The following DNAH14 variants were observed in gnomAD, a reference collection of about 807,000 sequenced individuals.
The protein encoded by DNAH14 is dynein axonemal heavy chain 14, also known as axonemal beta dynein heavy chain 14.
A neutral mutation model predicts 520.9 loss-of-function variants in DNAH14; 478 were observed. The ratio of observed to expected loss-of-function variants is 0.92; its 90% CI spans 0.85 to 0.99. The LOEUF (loss-of-function observed/expected upper bound fraction) is 0.99. DNAH14 is among the 50% of genes least tolerant of loss of function. The pLI is 0.00. For synonymous variants in DNAH14, 1,581 were observed against 1,757.2 expected (o/e 0.90, Z 2.51); for missense variants, 4,831 against 5,234.5 (o/e 0.92, Z 2.38).
intron 1 of DNAH14, among the ~76,000 whole-genome samples, chr1:224,950,233 A>G (rs1375322049): frequency 6.6e-6 from 1 of 152,072 alleles, no homozygotes; most frequent in Non-Finnish European, 1.5e-5. Flanking sequence ...AATGAGTTTA[A>G]TGCTGTTATT....
At chr1:225,361,857 A>ACAAT (rs34468361) in intron 75 of DNAH14, among the ~76,000 whole-genome samples, 61,018 of 151,448 alleles carry the variant, frequency 0.4, 12,813 homozygotes, top group East Asian at 0.6. Flanking sequence ...CATCTCTACA[A>ACAAT]CAATCAATCA....
At chr1:225,398,425 G>T in intron 84 of DNAH14, 95 bp from the exon 85 acceptor site, 1 of 1,410,786 alleles carries the variant, frequency 7.1e-7, no homozygotes, top group Non-Finnish European at 9.5e-7. Context: ...GGCAGGATGA[G>T]CCCCTCTGGA....
In DNAH14 at chr1:225,324,776, A is replaced by C. The variant is rs1022803798; in HGVS notation, c.9667A>C (p.Asn3223His). 6 of 1,551,430 alleles carry C rather than the reference A, an allele frequency of 3.9e-6. No homozygotes were observed. The African/African-American group carries it at 8.2e-5, about 21-fold the overall frequency. Residue 3223 changes from asparagine to histidine, a missense_variant, in exon 64 of 86, where the codon AAC becomes CAC. Physicochemically the swap from Asn to His is moderately conservative, Grantham distance 68. Transcript: ENST00000682510. ...PKQIQVAEAQ[N>H]VLKIARQRLA... ...ACAAATCCAAGTAGCTGAAGCTCAA[A>C]ACGTCCTTAAAATTGCGCGACAAAG...
At chr1:225,134,036 G>T (rs1369295524) in intron 27 of DNAH14, among the ~76,000 whole-genome samples, 1 of 151,464 alleles carries the variant, frequency 6.6e-6, no homozygotes, top group African/African-American at 2.4e-5. Flanking sequence ...TTGCTTGGTG[G>T]TATATATAGG....
chr1:225,239,149 C>T (rs763909314), intron 42 of DNAH14, among the ~76,000 whole-genome samples: 2 of 152,158 alleles, frequency 1.3e-5, no homozygotes, highest in Non-Finnish European at 2.9e-5. Flanking sequence ...CTGTTTGGCT[C>T]CCTGGATCCA....
At chr1:225,025,732 G>A (rs2066062093) in intron 11 of DNAH14, among the ~76,000 whole-genome samples, 2 of 151,974 alleles carry the variant, frequency 1.3e-5, no homozygotes, top group Admixed American at 6.6e-5. Context: ...AAATTCTTTA[G>A]ACTTCAATTT....
intron 8 of DNAH14, among the ~76,000 whole-genome samples, chr1:224,977,771 C>T (rs1388739311): frequency 6.6e-6 from 1 of 152,130 alleles, no homozygotes; most frequent in Non-Finnish European, 1.5e-5. Context: ...GCCAACTGTT[C>T]ATTCTATAAG....
intron 26 of DNAH14, among the ~76,000 whole-genome samples, chr1:225,122,160 G>A (rs563049963): frequency 7.9e-5 from 12 of 152,048 alleles, no homozygotes; most frequent in Non-Finnish European, 1.6e-4. Flanking sequence ...TTTAAAGTTA[G>A]TACCGCTTTA....
At chr1:224,957,085 T>C (rs1031888757) in intron 3 of DNAH14, among the ~76,000 whole-genome samples, 1 of 152,066 alleles carries the variant, frequency 6.6e-6, no homozygotes, top group African/African-American at 2.4e-5. Context: ...TGGCTGTATA[T>C]TGAAGAACAG....
chr1:225,084,025 C>T (rs560999201), intron 20 of DNAH14, among the ~76,000 whole-genome samples: 1 of 152,078 alleles, frequency 6.6e-6, no homozygotes, highest in East Asian at 1.9e-4. Flanking sequence ...GGGGTGGTGG[C>T]CTGTAATAAC....
At position 225,176,159 on chromosome 1, in the gene DNAH14, T is replaced by C. The variant is rs77277568; in HGVS notation, c.5535+8131T>C. Among the ~76,000 whole-genome samples the C allele has an allele frequency of 4.6e-3, 708 of 152,320 alleles. 2 individuals carry two copies. The highest frequency in any genetic ancestry group is 0.012 in the East Asian group (61 of 5,186). On this transcript the variant is annotated intron_variant, in intron 36 of 85. Coordinates refer to ENST00000682510, the MANE Select transcript of DNAH14 (RefSeq NM_001367479.1). ...TAGGTATGTGGTGTTTCCATTTTCA[T>C]TTCTCTCAAGGAATTTTTTAAATTA...
At chr1:225,331,340 G>T in intron 64 of DNAH14, 97 bp from the exon 65 acceptor site, 1 of 1,218,742 alleles carries the variant, frequency 8.2e-7, no homozygotes. Context: ...ATGTGAAAAT[G>T]AAATGGTAAC....
intron 72 of DNAH14, 54 bp from the exon 73 acceptor site, chr1:225,353,749 T>C: frequency 1.1e-6 from 1 of 923,110 alleles, no homozygotes; most frequent in Non-Finnish European, 1.7e-6. Context: ...TATGTTTTAA[T>C]GATAAAAAGT....
At chr1:225,058,445 T>C (rs530744884) in intron 17 of DNAH14, among the ~76,000 whole-genome samples, 19 of 152,256 alleles carry the variant, frequency 1.2e-4, no homozygotes, top group African/African-American at 4.3e-4. Flanking sequence ...GTCTTGCTAG[T>C]GGTCTATCAA....
At chr1:225,319,628 G>A (rs2094525560) in intron 61 of DNAH14, among the ~76,000 whole-genome samples, 1 of 151,980 alleles carries the variant, frequency 6.6e-6, no homozygotes, top group Non-Finnish European at 1.5e-5. Context: ...GAAGGAGGGA[G>A]AATTCTTGAC....
At chr1:225,109,541 A>G (rs1399720153) in intron 23 of DNAH14, among the ~76,000 whole-genome samples, 1 of 151,830 alleles carries the variant, frequency 6.6e-6, no homozygotes, top group Non-Finnish European at 1.5e-5. Flanking sequence ...AATGCTACTG[A>G]TTTTTGTATG....
intron 17 of DNAH14, among the ~76,000 whole-genome samples, chr1:225,063,879 A>G (rs1558837782): frequency 6.9e-6 from 1 of 145,916 alleles, no homozygotes; most frequent in African/African-American, 2.5e-5. Context: ...AGAAAATTGT[A>G]AATGCAGCAA....
At chr1:225,186,585 A>G (rs2084769725) in intron 37 of DNAH14, among the ~76,000 whole-genome samples, 1 of 151,868 alleles carries the variant, frequency 6.6e-6, no homozygotes, top group African/African-American at 2.4e-5. Flanking sequence ...ATCACCTAGA[A>G]TAATAATACA....
intron 8 of DNAH14, among the ~76,000 whole-genome samples, chr1:224,979,645 A>G (rs2062118233): frequency 6.6e-6 from 1 of 152,206 alleles, no homozygotes; most frequent in South Asian, 2.1e-4. Context: ...ACCTAGTGAG[A>G]CATCAGCTGG....
Sources: gnomAD v4.1 joint callset for allele counts (sites outside exome capture counted in the v4.1 genomes callset) on GRCh38, gnomAD v4.1.1 for gene constraint, MANE v1.5 for transcripts, NCBI Gene and HGNC (gene_info 2026-07-23, HGNC 2026-07-21) for gene names.